Variants in RBL2 observed in about 807,000 individuals in gnomAD.
RBL2 encodes retinoblastoma-like protein 2.
A neutral mutation model predicts 126.0 loss-of-function variants in RBL2; 56 were observed. The ratio of observed to expected loss-of-function variants is 0.44; its 90% confidence interval spans 0.36 to 0.56. The LOEUF is 0.56. Among genes scored for constraint, RBL2 ranks in the 20% least tolerant of loss-of-function variants. The pLI is 0.00. For synonymous variants in RBL2, 454 were observed against 478.5 expected (o/e 0.95, Z 0.67); for missense variants, 1,229 against 1,398.2 (o/e 0.88, Z 1.93).
intron 8 of RBL2, 53 bp downstream of exon 8, chr16:53,454,895 G>A: frequency 1.4e-6 from 2 of 1,418,142 alleles, no homozygotes; most frequent in Non-Finnish European, 1.9e-6. Context: ...TAAGCCAGGG[G>A]TTCTTTTTTA....
chr16:53,473,480 G>T (rs1297299844), intron 17 of RBL2, among the ~76,000 whole-genome samples: 1 of 150,560 alleles, frequency 6.6e-6, no homozygotes, highest in East Asian at 1.9e-4. Context: ...CATTGCAAGT[G>T]TATAGAAAAA....
chr16:53,479,637 C>G (rs1353822357), intron 18 of RBL2: 3 of 466,618 alleles, frequency 6.4e-6, no homozygotes, highest in Non-Finnish European at 1.1e-5. Flanking sequence ...CTTAGAATGA[C>G]TTGACATTAT....
chr16:53,438,800 C>T lies in RBL2; in HGVS notation c.241-216C>T, dbSNP rs149767314. 3.0e-3 allele frequency among the ~76,000 whole-genome samples: 380 copies of T among 128,352 alleles called. 1 individual carries two copies. Among genetic ancestry groups the T allele is most frequent in the African/African-American group, 0.011 (362 of 32,746 alleles). The allele number at this position is 128,352 out of a possible 152,430, so 84.2% of individuals were successfully genotyped here. Reference sequence around the variant, plus strand: ...TGGAGGTTGCAGTGAGCCAAGATTGCGCCACTGCACTCCAGCCTGGGTGAC... The same window carrying T: ...TGGAGGTTGCAGTGAGCCAAGATTGTGCCACTGCACTCCAGCCTGGGTGAC... On this transcript the variant is annotated intron_variant, in intron 1 of 21. Coordinates refer to ENST00000262133, the MANE Select transcript of RBL2 (RefSeq NM_005611.4).
intron 5 of RBL2, 66 bp downstream of exon 5, chr16:53,451,897 G>C (rs1011469971): frequency 1.3e-6 from 2 of 1,554,208 alleles, no homozygotes; most frequent in African/African-American, 2.7e-5. Flanking sequence ...CCTTGGAGTT[G>C]TACAGGTTTC....
At chr16:53,441,015 A>C (rs1366632725) in intron 2 of RBL2, among the ~76,000 whole-genome samples, 1 of 124,366 alleles carries the variant, frequency 8.0e-6, no homozygotes, top group Non-Finnish European at 1.6e-5. Flanking sequence ...GCTGGAGTGC[A>C]GTAGCTCAAT....
At chr16:53,463,021 CG>C (rs1342223786) in intron 11 of RBL2, among the ~76,000 whole-genome samples, 1 of 151,898 alleles carries the variant, frequency 6.6e-6, no homozygotes, top group African/African-American at 2.4e-5. Context: ...TTGTATTTTT[CG>C]TAGAGATGGG....
At position 53,463,511 on chromosome 16, in the gene RBL2, G is replaced by T. The variant is rs143544316; in HGVS notation, c.1561-715G>T. Among the ~76,000 whole-genome samples, 803 of 149,290 alleles carry T rather than the reference G, an allele frequency of 5.4e-3. 7 individuals carry two copies. The highest frequency in any genetic ancestry group is 0.019 in the African/African-American group (780 of 40,404). ...CCTGCTTCGGCCTTCCAAAGTGCTG[G>T]AATTACAGGTATGAGCCACCTGCCT... On this transcript the variant is annotated intron_variant, in intron 11 of 21. Transcript: ENST00000262133.
rs150451909 is a variant in RBL2 at position 53,485,103 on chromosome 16, T to C, written c.3249+3268T>C. 3.1e-4 allele frequency among the ~76,000 whole-genome samples: 47 copies of C among 152,132 alleles called. No individual in the cohort carries two copies. The East Asian group carries it at 8.1e-3, about 26-fold the overall frequency. ...AGAAGATGTAGACATTATCAACTGA[T>C]TGACATTTATAGAACACTCTCTAAC... is the stretch of plus-strand genomic sequence containing the variant. On this transcript the variant is annotated intron_variant, in intron 21 of 21. Transcript: ENST00000262133.
At chr16:53,438,564 C>T (rs1399050470) in intron 1 of RBL2, among the ~76,000 whole-genome samples, 2 of 152,092 alleles carry the variant, frequency 1.3e-5, no homozygotes, top group Non-Finnish European at 2.9e-5. Context: ...GCCTACGGGG[C>T]TGGGTACAGT....
chr16:53,451,652 T>A, intron 4 of RBL2, 51 bp from the exon 5 acceptor site: 1 of 1,571,042 alleles, frequency 6.4e-7, no homozygotes, highest in Non-Finnish European at 8.7e-7. Context: ...TTTTTAAAAA[T>A]GTTACAAAGT....
intron 9 of RBL2, among the ~76,000 whole-genome samples, chr16:53,459,865 CA>C (rs560611962): frequency 7.8e-4 from 107 of 137,474 alleles, no homozygotes; most frequent in African/African-American, 2.9e-3. Context: ...GAGTAAAACA[CA>C]AAAGTGTCTT....
chr16:53,439,920 C>CTCCAGCCT (rs2057997363), intron 2 of RBL2, among the ~76,000 whole-genome samples: 1 of 143,584 alleles, frequency 7.0e-6, no homozygotes, highest in South Asian at 2.2e-4. Context: ...CAGCACTGCA[C>CTCCAGCCT]TCCAGCCTGG....
chr16:53,443,250 A>G (rs1183470804), intron 3 of RBL2: 1 of 153,086 alleles, frequency 6.5e-6, no homozygotes, highest in African/African-American at 2.4e-5. Flanking sequence ...CTGTATCTGG[A>G]TATATATATT....
At chr16:53,469,808 A>C in intron 14 of RBL2, 108 bp from the exon 15 acceptor site, 1 of 1,258,318 alleles carries the variant, frequency 7.9e-7, no homozygotes, top group Non-Finnish European at 1.1e-6. Flanking sequence ...TTTTTGAATT[A>C]TGAAGTATTT....
At chr16:53,479,317 T>G (rs1960853828) in intron 18 of RBL2, 92 bp downstream of exon 18, 14 of 1,166,564 alleles carry the variant, frequency 1.2e-5, no homozygotes, top group Non-Finnish European at 1.8e-5. Flanking sequence ...TGGCCTTTTT[T>G]CCAAGATAAA....
intron 1 of RBL2, chr16:53,435,725 G>GTC: frequency 7.8e-7 from 1 of 1,288,906 alleles, no homozygotes; most frequent in Non-Finnish European, 1.0e-6. Context: ...AATAGGTCCA[G>GTC]GATGCAAAGC....
At chr16:53,449,464 A>G (rs4783811) in intron 4 of RBL2, 81,735 of 151,768 alleles carry the variant, frequency 0.54, 24,259 homozygotes, top group African/African-American at 0.79. Flanking sequence ...GCATGTTGGC[A>G]TATGCCTGGA....
intron 14 of RBL2, among the ~76,000 whole-genome samples, chr16:53,469,514 A>G (rs2150813046): frequency 6.6e-6 from 1 of 152,324 alleles, no homozygotes; most frequent in East Asian, 1.9e-4. Context: ...GTAAAATCAC[A>G]TCTTACATGA....
intron 11 of RBL2, among the ~76,000 whole-genome samples, chr16:53,463,582 T>C (rs1298718986): frequency 6.7e-6 from 1 of 148,306 alleles, no homozygotes; most frequent in Admixed American, 6.7e-5. Context: ...TTTTTTTTTT[T>C]TTTGAGCCAG....
Sources: allele counts gnomAD v4.1 joint callset (sites outside exome capture counted in the v4.1 genomes callset), GRCh38; gene constraint gnomAD v4.1.1; transcripts MANE v1.5; gene names NCBI Gene and HGNC (gene_info 2026-07-23, HGNC 2026-07-21).